MRRF: variants seen among roughly 807,000 people sequenced by gnomAD.
MRRF encodes the protein mitochondrial ribosome recycling factor.
Under a neutral mutation model 25.1 loss-of-function variants are expected in MRRF, and 18 were observed. The ratio of observed to expected loss-of-function variants is 0.72; its 90% CI spans 0.50 to 1.06. The LOEUF (loss-of-function observed/expected upper bound fraction) is 1.06. Among genes scored for constraint, MRRF ranks in the 50% least tolerant of loss-of-function variants. The pLI is 0.00. For missense variants in MRRF, 323 were observed against 319.3 expected, an observed-to-expected ratio of 1.01 and a Z score of -0.09; for synonymous variants, 113 against 112.1, an observed-to-expected ratio of 1.01 and a Z score of -0.05.
At chr9:122,306,183 T>C (rs1834833264) in intron 5 of MRRF, among the ~76,000 whole-genome samples, 2 of 152,208 alleles carry the variant, frequency 1.3e-5, no homozygotes, top group Non-Finnish European at 2.9e-5. Flanking sequence ...TAACTTAAAA[T>C]AGTTTATTAC....
At chr9:122,306,843 G>T (rs1834878302) in intron 5 of MRRF, among the ~76,000 whole-genome samples, 1 of 152,200 alleles carries the variant, frequency 6.6e-6, no homozygotes, top group Non-Finnish European at 1.5e-5. Flanking sequence ...CATTTGGTCA[G>T]GCTGGGCTGT....
intron 3 of MRRF, 76 bp downstream of exon 3, chr9:122,280,674 C>T (rs2118688160): frequency 6.9e-7 from 1 of 1,439,068 alleles, no homozygotes; most frequent in Admixed American, 1.7e-5. Flanking sequence ...AGTTTTAGTC[C>T]CAGCTTTGCC....
intron 5 of MRRF, among the ~76,000 whole-genome samples, chr9:122,301,235 G>A (rs949034365): frequency 5.9e-5 from 9 of 152,106 alleles, no homozygotes; most frequent in African/African-American, 9.7e-5. Context: ...CCACCCCGCC[G>A]TCCCTCATAT....
chr9:122,283,264 T>C (rs373269570), intron 3 of MRRF, among the ~76,000 whole-genome samples: 4 of 152,174 alleles, frequency 2.6e-5, no homozygotes, highest in African/African-American at 9.6e-5. Flanking sequence ...CAGCTAATTT[T>C]TTGTATTTTT....
chr9:122,268,075 T>G lies in MRRF; in HGVS notation c.-28-2789T>G, dbSNP rs570758994. On this transcript the variant is annotated intron_variant, in intron 1 of 6. Transcript: ENST00000344641. ...CAAATTTTTCTTCAACTTTAATTCT[T>G]TATCTGTGCTGAACTGAATGTTAAT... 1.2e-4 allele frequency among the ~76,000 whole-genome samples: 18 copies of G among 152,366 alleles called. No individual in the cohort carries two copies. The South Asian group carries it at 3.5e-3, about 30-fold the overall frequency.
chr9:122,309,084 G>A (rs895908160), intron 5 of MRRF, among the ~76,000 whole-genome samples: 3 of 152,038 alleles, frequency 2.0e-5, no homozygotes, highest in Middle Eastern at 3.4e-3. Flanking sequence ...TCTACTTTCC[G>A]TCTCTATGAA....
chr9:122,269,128 T>C (rs1419204272), intron 1 of MRRF, among the ~76,000 whole-genome samples: 1 of 150,262 alleles, frequency 6.7e-6, no homozygotes, highest in Non-Finnish European at 1.5e-5. Flanking sequence ...ATCGTGCCAC[T>C]GCACTCCAGC....
chr9:122,273,092 T>C (rs1053521756), intron 2 of MRRF, among the ~76,000 whole-genome samples: 3 of 152,190 alleles, frequency 2.0e-5, no homozygotes, highest in African/African-American at 7.2e-5. Flanking sequence ...TGCTTTTCTT[T>C]TTGTTCTTGA....
chr9:122,267,380 CAAAA>C (rs892711250), intron 1 of MRRF, among the ~76,000 whole-genome samples: 1 of 71,362 alleles, frequency 1.4e-5, no homozygotes, highest in Non-Finnish European at 3.3e-5. Context: ...GACTCTGTCT[CAAAA>C]AAAAAAAAAA....
At chr9:122,284,883 G>C (rs1210127916) in intron 3 of MRRF, among the ~76,000 whole-genome samples, 1 of 152,110 alleles carries the variant, frequency 6.6e-6, no homozygotes, top group Non-Finnish European at 1.5e-5. Flanking sequence ...TCTTGGGTTT[G>C]AGCAATCCTC....
chr9:122,300,357 G>T (rs140486484), intron 5 of MRRF, among the ~76,000 whole-genome samples: 2 of 152,260 alleles, frequency 1.3e-5, no homozygotes, highest in East Asian at 3.9e-4. Context: ...ATACCTTCAT[G>T]CCCACTGCAG....
In MRRF at chr9:122,280,511, T is replaced by C; in HGVS notation, c.253T>C (p.Leu85=). The C allele has an allele frequency of 6.2e-7, 1 of 1,613,902 alleles. No individual in the cohort carries two copies. Among genetic ancestry groups the C allele is most frequent in the Non-Finnish European group, 8.5e-7 (1 of 1,179,774 alleles). Residue 85 remains leucine, a synonymous_variant, in exon 3 of 7, where the codon TTG becomes CTG. Coordinates refer to ENST00000344641, the MANE Select transcript of MRRF (RefSeq NM_138777.5). ...NAALVEDIIN[L]EEVNEEMKSV... ...TGCCTTGGTTGAGGATATAATCAAC[T>C]TGGAAGAGGTGAATGAAGAAATGAA...
chr9:122,287,857 A>G lies in MRRF; in HGVS notation c.459+2570A>G, dbSNP rs1459667740. On this transcript the variant is annotated intron_variant, in intron 4 of 6. Coordinates refer to ENST00000344641, the MANE Select transcript of MRRF (RefSeq NM_138777.5). ...TGAATTCCTTTATCTCGTCTGTTGT[A>G]TATATTAAACAAATAGCTCTAACTA... Among the ~76,000 whole-genome samples, 4 of 152,190 alleles carry G rather than the reference A, an allele frequency of 2.6e-5. No individual in the cohort carries two copies. The East Asian group carries it at 7.7e-4, about 29-fold the overall frequency.
intron 2 of MRRF, among the ~76,000 whole-genome samples, chr9:122,275,327 A>G (rs558232377): frequency 6.6e-6 from 1 of 152,186 alleles, no homozygotes; most frequent in Non-Finnish European, 1.5e-5. Context: ...GTGTGTATTC[A>G]TCTTTTTTGT....
At chr9:122,287,304 G>A (rs773823477) in intron 4 of MRRF, among the ~76,000 whole-genome samples, 4 of 152,210 alleles carry the variant, frequency 2.6e-5, no homozygotes, top group Admixed American at 1.3e-4. Context: ...CTGGCACATG[G>A]CACCATTTGG....
chr9:122,305,410 CAAA>C (rs371802454), intron 5 of MRRF, among the ~76,000 whole-genome samples: 1 of 65,744 alleles, frequency 1.5e-5, no homozygotes, highest in Admixed American at 1.8e-4. Flanking sequence ...AGACTCATCT[CAAA>C]AAAAAAAAAA....
At chr9:122,310,549 T>C (rs956270035) in intron 5 of MRRF, among the ~76,000 whole-genome samples, 3 of 152,248 alleles carry the variant, frequency 2.0e-5, no homozygotes, top group African/African-American at 7.2e-5. Flanking sequence ...AGAAGTGTTG[T>C]GTTTTCTGTA....
chr9:122,287,149 A>C (rs1414515086), intron 4 of MRRF, among the ~76,000 whole-genome samples: 1 of 152,202 alleles, frequency 6.6e-6, no homozygotes, highest in Non-Finnish European at 1.5e-5. Flanking sequence ...AAGTTCTCCT[A>C]TACAGCACAA....
intron 6 of MRRF, among the ~76,000 whole-genome samples, chr9:122,314,528 G>T (rs1835397517): frequency 6.6e-6 from 1 of 152,206 alleles, no homozygotes; most frequent in Non-Finnish European, 1.5e-5. Context: ...CACTTGGGTA[G>T]CTTATAAAAA....
Sources: allele counts gnomAD v4.1 joint callset (sites outside exome capture counted in the v4.1 genomes callset), GRCh38; gene constraint gnomAD v4.1.1; transcripts MANE v1.5; gene names NCBI Gene and HGNC (gene_info 2026-07-23, HGNC 2026-07-21).